The following SAMD12 variants were observed in gnomAD, a reference collection of about 807,000 sequenced individuals.
SAMD12 encodes the protein sterile alpha motif domain containing 12.
SAMD12 carries 9 observed loss-of-function variants against 15.0 expected under a neutral mutation model. The observed-to-expected ratio is 0.60, with a 90% CI of 0.36 to 1.05. The LOEUF is 1.05. SAMD12 is among the 50% of genes least tolerant of loss of function. The pLI is 0.01. For synonymous variants in SAMD12, 86 were observed against 90.1 expected (o/e 0.96, Z 0.25); for missense variants, 230 against 234.2 (o/e 0.98, Z 0.12).
At chr8:118,431,686 T>TTG in intron 3 of SAMD12, among the ~76,000 whole-genome samples, 1 of 104,556 alleles carries the variant, frequency 9.6e-6, no homozygotes, top group East Asian at 3.1e-4. Flanking sequence ...TTTACCTTTG[T>TTG]CGTGTGTGTG....
At chr8:118,304,052 T>C (rs1760604343) in intron 4 of SAMD12, among the ~76,000 whole-genome samples, 2 of 152,182 alleles carry the variant, frequency 1.3e-5, no homozygotes, top group African/African-American at 4.8e-5. Flanking sequence ...TTCCTAGTTG[T>C]CTTCATCCTT....
rs1156475510 is a variant in SAMD12 at position 118,552,206 on chromosome 8, C to T, written c.192+28509G>A. 5.9e-5 allele frequency among the ~76,000 whole-genome samples: 9 copies of T among 152,132 alleles called. No individual in the cohort carries two copies. The East Asian group carries it at 9.7e-4, about 16-fold the overall frequency. ...GCCAGCATCATCCTGATACCAAAGC[C>T]GGGCAGAGACACAACAAAAAAAGAG... On this transcript the variant is annotated intron_variant, in intron 2 of 3. Coordinates refer to ENST00000314727, the MANE Select transcript of SAMD12 (RefSeq NM_207506.3).
At chr8:118,391,986 G>T (rs1253039019) in intron 3 of SAMD12, among the ~76,000 whole-genome samples, 2 of 152,068 alleles carry the variant, frequency 1.3e-5, no homozygotes, top group East Asian at 3.9e-4. Flanking sequence ...AAAGCCCAGG[G>T]CTGGATTAGC....
At chr8:118,357,955 G>A (rs1818312798) in intron 4 of SAMD12, among the ~76,000 whole-genome samples, 1 of 152,038 alleles carries the variant, frequency 6.6e-6, no homozygotes, top group Non-Finnish European at 1.5e-5. Context: ...ACCAGTGTGG[G>A]CAATGTAGTG....
At chr8:118,523,043 C>T (rs545479269) in intron 2 of SAMD12, among the ~76,000 whole-genome samples, 3 of 152,256 alleles carry the variant, frequency 2.0e-5, no homozygotes, top group Admixed American at 2.0e-4. Context: ...ACAAAATGTA[C>T]TTTTTAGATA....
rs7815228 is a variant in SAMD12, at chr8:118,604,877, G to A, written c.13+16927C>T. Among the ~76,000 whole-genome samples the A allele has an allele frequency of 0.032, 4,824 of 151,936 alleles. 380 individuals are homozygous for A. The East Asian group carries it at 0.35, about 11-fold the overall frequency. On this transcript the variant is annotated intron_variant, in intron 1 of 3. Transcript: ENST00000314727. ...ACGGAGCTTGCAGTGAGCCGAGATC[G>A]CACCACTGCACTCCAGCCTGGGCGA...
At chr8:118,577,524 A>G (rs1261260445) in intron 2 of SAMD12, among the ~76,000 whole-genome samples, 1 of 152,154 alleles carries the variant, frequency 6.6e-6, no homozygotes, top group Non-Finnish European at 1.5e-5. Flanking sequence ...GGTTTCAAAG[A>G]CCAACATGGC....
At chr8:118,551,861 C>T (rs1479347239) in intron 2 of SAMD12, among the ~76,000 whole-genome samples, 1 of 151,740 alleles carries the variant, frequency 6.6e-6, no homozygotes, top group Non-Finnish European at 1.5e-5. Context: ...ACCGATCCCA[C>T]AGAAATACAA....
At chr8:118,212,919 C>A (rs912074546) in intron 4 of SAMD12, among the ~76,000 whole-genome samples, 2 of 152,030 alleles carry the variant, frequency 1.3e-5, no homozygotes, top group Non-Finnish European at 2.9e-5. Context: ...CAATGAAATA[C>A]GGTAAATGAA....
chr8:118,391,095 G>A (rs558783689), intron 3 of SAMD12, among the ~76,000 whole-genome samples: 25 of 152,102 alleles, frequency 1.6e-4, no homozygotes, highest in African/African-American at 5.8e-4. Flanking sequence ...ATTCTACAGC[G>A]TTTGTTAGTA....
In SAMD12 at chr8:118,578,580, T is replaced by C. The variant is rs74580632; in HGVS notation, c.192+2135A>G. ...GAAAAGAGAAGACGGCTTACAACTCTACCAGCCCTCTAAATGCAATGGAAG... is the reference window on the plus strand; with the variant it reads ...GAAAAGAGAAGACGGCTTACAACTCCACCAGCCCTCTAAATGCAATGGAAG... On this transcript the variant is annotated intron_variant, in intron 2 of 3. Transcript: ENST00000314727. Among the ~76,000 whole-genome samples the C allele has an allele frequency of 7.9e-3, 1,209 of 152,236 alleles. 7 individuals are homozygous for C. The highest frequency in any genetic ancestry group is 0.01 in the Non-Finnish European group (714 of 68,004).
At chr8:118,349,605 T>C (rs1056361213) in intron 4 of SAMD12, among the ~76,000 whole-genome samples, 1 of 144,816 alleles carries the variant, frequency 6.9e-6, no homozygotes, top group Admixed American at 7.1e-5. Context: ...GCTGTGCTTA[T>C]CTACCCCTAA....
intron 2 of SAMD12, among the ~76,000 whole-genome samples, chr8:118,453,050 A>T (rs1403228447): frequency 1.3e-5 from 2 of 152,158 alleles, no homozygotes; most frequent in Admixed American, 1.3e-4. Context: ...TTATTTTTTA[A>T]CCTTAAATGA....
At chr8:118,505,973 G>A (rs1824910774) in intron 2 of SAMD12, among the ~76,000 whole-genome samples, 1 of 152,042 alleles carries the variant, frequency 6.6e-6, no homozygotes, top group Non-Finnish European at 1.5e-5. Context: ...TATCATCCCA[G>A]TCTGATTATC....
intron 2 of SAMD12, among the ~76,000 whole-genome samples, chr8:118,516,400 T>C (rs909636286): frequency 1.3e-5 from 2 of 152,226 alleles, no homozygotes; most frequent in African/African-American, 4.8e-5. Context: ...GTATAATGTT[T>C]ACAATGTTCA....
intron 2 of SAMD12, among the ~76,000 whole-genome samples, chr8:118,543,631 CTTTTTTT>C (rs397978436): frequency 1.7e-4 from 20 of 116,634 alleles, no homozygotes; most frequent in African/African-American, 7.3e-4. Context: ...TTCTTTCTTT[CTTTTTTT>C]TTTTTTTTTT....
intron 1 of SAMD12, 151 bp from the exon 2 acceptor site, chr8:118,581,044 G>C: frequency 1.8e-6 from 1 of 567,558 alleles, no homozygotes; most frequent in East Asian, 2.9e-5. Context: ...ATATGGTGAG[G>C]AGGGAGCACG....
chr8:118,501,946 G>C (rs531591841), intron 2 of SAMD12, among the ~76,000 whole-genome samples: 13 of 152,038 alleles, frequency 8.6e-5, no homozygotes, highest in East Asian at 1.9e-4. Context: ...GAACCCGTTG[G>C]GGGGCGGAGC....
chr8:118,312,165 C>T (rs1382742069), intron 4 of SAMD12, among the ~76,000 whole-genome samples: 1 of 152,166 alleles, frequency 6.6e-6, no homozygotes, highest in Non-Finnish European at 1.5e-5. Flanking sequence ...GTAGAGGTCT[C>T]TCCCTTTCCC....
Sources: gnomAD v4.1 joint callset for allele counts (sites outside exome capture counted in the v4.1 genomes callset) on GRCh38, gnomAD v4.1.1 for gene constraint, MANE v1.5 for transcripts, NCBI Gene and HGNC (gene_info 2026-07-23, HGNC 2026-07-21) for gene names.